Variants in MYO3B observed in about 807,000 individuals in gnomAD.
MYO3B encodes the protein myosin IIIB, also known as myosin-IIIb.
In MYO3B, 156 loss-of-function variants were observed where a neutral mutation model predicts 174.6. The ratio of observed to expected loss-of-function variants is 0.89; its 90% CI spans 0.78 to 1.02. The LOEUF is 1.02. Among genes scored for constraint, MYO3B ranks in the 50% least tolerant of loss-of-function variants. MYO3B has a pLI of 0.00. For synonymous variants in MYO3B, 563 were observed against 569.1 expected (o/e 0.99, Z 0.15); for missense variants, 1,632 against 1,639.4 (o/e 1.00, Z 0.08).
At chr2:170,594,845 A>G (rs866653125) in intron 32 of MYO3B, among the ~76,000 whole-genome samples, 2,637 of 147,518 alleles carry the variant, frequency 0.018, 78 homozygotes, top group African/African-American at 0.065. Flanking sequence ...ACACACACAC[A>G]CACACACACA....
intron 30 of MYO3B, among the ~76,000 whole-genome samples, chr2:170,530,410 G>A (rs1282693651): frequency 6.6e-6 from 1 of 152,162 alleles, no homozygotes; most frequent in Non-Finnish European, 1.5e-5. Context: ...AGTGCTCCTG[G>A]CCAGCTCCCA....
At chr2:170,562,316 C>T (rs1355816642) in intron 32 of MYO3B, among the ~76,000 whole-genome samples, 5 of 152,098 alleles carry the variant, frequency 3.3e-5, no homozygotes, top group African/African-American at 7.2e-5. Context: ...CCTATTTTGA[C>T]GTTTTAGACC....
At chr2:170,378,759 T>A (rs2094312953) in intron 9 of MYO3B, among the ~76,000 whole-genome samples, 1 of 152,192 alleles carries the variant, frequency 6.6e-6, no homozygotes, top group Admixed American at 6.5e-5. Flanking sequence ...TAAGGTTTGG[T>A]CCATGCTTCC....
intron 25 of MYO3B, among the ~76,000 whole-genome samples, chr2:170,476,932 T>A (rs1340706781): frequency 6.6e-6 from 1 of 152,162 alleles, no homozygotes; most frequent in Admixed American, 6.5e-5. Flanking sequence ...ACTGCCATCC[T>A]AGACACAGAC....
chr2:170,199,235 T>C lies in MYO3B; in HGVS notation c.30T>C (p.Tyr10=). The change falls in exon 2 of 35, where the codon TAT becomes TAC. Residue 10 remains tyrosine, a synonymous_variant. Coordinates refer to ENST00000408978, the MANE Select transcript of MYO3B (RefSeq NM_138995.5). MKHLYGLFH[Y]NPMMLGLESL... The stretch of plus-strand genomic sequence containing the variant: ...AACATCTGTATGGATTATTTCACTA[T>C]AATCCTATGATGCTTGGACTTGAAT... 6.2e-7 allele frequency: 1 copy of C among 1,612,910 alleles called. No individual in the cohort carries two copies. The highest frequency in any genetic ancestry group is 2.2e-5 in the East Asian group (1 of 44,846).
At position 170,456,139 on chromosome 2, in the gene MYO3B, G is replaced by T. The variant is rs141859262; in HGVS notation, c.2731-7229G>T. On this transcript the variant is annotated intron_variant, in intron 23 of 34. Transcript: ENST00000408978. ...ATATACCCTTCTTAAGGGAGAGGGA[G>T]ATGGAGAAGTGTGGATATTTTGGTG... 3.3e-3 allele frequency among the ~76,000 whole-genome samples: 502 copies of T among 152,130 alleles called. 5 individuals carry two copies. The highest frequency in any genetic ancestry group is 0.012 in the African/African-American group (489 of 41,506).
At chr2:170,521,033 G>C (rs1688640872) in intron 30 of MYO3B, among the ~76,000 whole-genome samples, 1 of 152,116 alleles carries the variant, frequency 6.6e-6, no homozygotes, top group Admixed American at 6.5e-5. Context: ...AAAGAAGCAG[G>C]TCATTAGAGA....
At chr2:170,338,192 A>G (rs2093957514) in intron 8 of MYO3B, 1 of 152,204 alleles carries the variant, frequency 6.6e-6, no homozygotes, top group African/African-American at 2.4e-5. Flanking sequence ...CACAGAAAAC[A>G]ATGCCTTTGA....
chr2:170,376,076 C>A (rs1432358010), intron 9 of MYO3B, among the ~76,000 whole-genome samples: 3 of 152,054 alleles, frequency 2.0e-5, no homozygotes, highest in Non-Finnish European at 4.4e-5. Context: ...GGGATTCTGG[C>A]CAAAACGGTG....
intron 32 of MYO3B, among the ~76,000 whole-genome samples, chr2:170,561,358 A>T (rs1023077783): frequency 6.6e-6 from 1 of 152,238 alleles, no homozygotes; most frequent in Non-Finnish European, 1.5e-5. Context: ...CTTACTAGTT[A>T]TCTGTACCCA....
At chr2:170,633,023 G>A (rs1697147483) in intron 32 of MYO3B, among the ~76,000 whole-genome samples, 1 of 152,124 alleles carries the variant, frequency 6.6e-6, no homozygotes, top group Non-Finnish European at 1.5e-5. Context: ...CAGATTCACA[G>A]CCGAATTCTA....
intron 3 of MYO3B, among the ~76,000 whole-genome samples, chr2:170,213,710 G>A (rs1394051135): frequency 6.6e-6 from 1 of 152,152 alleles, no homozygotes; most frequent in Non-Finnish European, 1.5e-5. Context: ...GAACAAATAT[G>A]CAAAATAAAA....
intron 8 of MYO3B, among the ~76,000 whole-genome samples, chr2:170,347,055 G>A (rs890321463): frequency 6.6e-6 from 1 of 152,108 alleles, no homozygotes. Flanking sequence ...AAAGCAAATT[G>A]GCATATGTTC....
At chr2:170,201,654 C>T (rs1430257391) in intron 3 of MYO3B, among the ~76,000 whole-genome samples, 1 of 152,054 alleles carries the variant, frequency 6.6e-6, no homozygotes, top group Non-Finnish European at 1.5e-5. Flanking sequence ...ATCTTTGTTC[C>T]TTTAGTTGAC....
At chr2:170,419,296 G>A (rs1050037985) in intron 22 of MYO3B, among the ~76,000 whole-genome samples, 4 of 152,162 alleles carry the variant, frequency 2.6e-5, no homozygotes, top group African/African-American at 7.2e-5. Flanking sequence ...AATTAACACA[G>A]ACTGAGCGGT....
chr2:170,628,864 A>C (rs1696695269), intron 32 of MYO3B, among the ~76,000 whole-genome samples: 1 of 152,140 alleles, frequency 6.6e-6, no homozygotes, highest in Admixed American at 6.5e-5. Context: ...TTTTTAAAAG[A>C]ATCTTCCCAT....
chr2:170,285,940 A>G (rs943927715), intron 7 of MYO3B, among the ~76,000 whole-genome samples: 19 of 152,112 alleles, frequency 1.2e-4, no homozygotes, highest in African/African-American at 4.1e-4. Context: ...AATTGTTCCA[A>G]TATCATTTAC....
At chr2:170,371,551 T>C (rs2094244761) in intron 9 of MYO3B, among the ~76,000 whole-genome samples, 1 of 152,172 alleles carries the variant, frequency 6.6e-6, no homozygotes, top group African/African-American at 2.4e-5. Context: ...GCCACCTCTC[T>C]TGTACTATTA....
At chr2:170,246,311 A>C (rs1470154534) in intron 7 of MYO3B, among the ~76,000 whole-genome samples, 1 of 152,230 alleles carries the variant, frequency 6.6e-6, no homozygotes, top group Non-Finnish European at 1.5e-5. Context: ...AAGTAGAAAA[A>C]AGGATTCTAG....
Sources: gnomAD v4.1 joint callset for allele counts (sites outside exome capture counted in the v4.1 genomes callset) on GRCh38, gnomAD v4.1.1 for gene constraint, MANE v1.5 for transcripts, NCBI Gene and HGNC (gene_info 2026-07-23, HGNC 2026-07-21) for gene names.